MACROD2: variants seen among roughly 807,000 people sequenced by gnomAD.
MACROD2 encodes the protein mono-ADP ribosylhydrolase 2.
A neutral mutation model predicts 70.4 loss-of-function variants in MACROD2; 36 were observed. That is an observed-to-expected ratio of 0.51 (90% CI 0.39 to 0.68). The LOEUF is 0.68. MACROD2 is among the 30% of genes least tolerant of loss of function. The probability of loss-of-function intolerance (pLI) is 0.00; values close to 1 mark genes in which losing one functional copy is unlikely to be tolerated. For synonymous variants in MACROD2, 172 were observed against 178.8 expected (o/e 0.96, Z 0.30); for missense variants, 496 against 538.4 (o/e 0.92, Z 0.78).
At chr20:16,034,280 T>G (rs2067193585) in intron 15 of MACROD2, among the ~76,000 whole-genome samples, 1 of 152,024 alleles carries the variant, frequency 6.6e-6, no homozygotes, top group Non-Finnish European at 1.5e-5. Flanking sequence ...TACGGTATAG[T>G]GTACCGTGGA....
intron 8 of MACROD2, among the ~76,000 whole-genome samples, chr20:15,839,956 A>G (rs149065252): frequency 1.6e-3 from 243 of 152,336 alleles, no homozygotes; most frequent in African/African-American, 5.7e-3. Flanking sequence ...AGAATTATCT[A>G]CTGGCTCCTA....
intron 5 of MACROD2, among the ~76,000 whole-genome samples, chr20:14,969,180 A>T (rs2074667368): frequency 6.8e-6 from 1 of 147,890 alleles, no homozygotes; most frequent in African/African-American, 2.6e-5. Flanking sequence ...TATATATATA[A>T]ATCTGTACAG....
chr20:14,064,150 T>G (rs1233228311), intron 2 of MACROD2, among the ~76,000 whole-genome samples: 1 of 152,230 alleles, frequency 6.6e-6, no homozygotes, highest in African/African-American at 2.4e-5. Flanking sequence ...CTCCGTGGGC[T>G]TCTGCTGGTT....
intron 6 of MACROD2, among the ~76,000 whole-genome samples, chr20:15,334,891 C>A (rs535023294): frequency 1.3e-5 from 2 of 151,804 alleles, no homozygotes; most frequent in Non-Finnish European, 2.9e-5. Context: ...CTGACACAAT[C>A]TGATGAAACC....
chr20:15,709,238 G>A (rs1001613318), intron 8 of MACROD2, among the ~76,000 whole-genome samples: 70 of 152,334 alleles, frequency 4.6e-4, no homozygotes, highest in African/African-American at 1.7e-3. Context: ...TGCAGATGGC[G>A]GTGAACGGGA....
chr20:14,626,776 A>T (rs1366326690), intron 4 of MACROD2: 1 of 152,214 alleles, frequency 6.6e-6, no homozygotes, highest in East Asian at 1.9e-4. Flanking sequence ...TTTGGCACCC[A>T]GCTGATCCAC....
chr20:14,724,137 C>T (rs2071501397), intron 5 of MACROD2, among the ~76,000 whole-genome samples: 1 of 151,922 alleles, frequency 6.6e-6, no homozygotes, highest in Non-Finnish European at 1.5e-5. Flanking sequence ...GTTTTTTAAA[C>T]AGATACTCTG....
intron 3 of MACROD2, among the ~76,000 whole-genome samples, chr20:14,433,234 A>T (rs2084016211): frequency 6.6e-6 from 1 of 152,208 alleles, no homozygotes; most frequent in Admixed American, 6.5e-5. Context: ...GTAAAAGCAG[A>T]AACACAGTGA....
At chr20:15,046,978 T>A (rs2075399533) in intron 5 of MACROD2, among the ~76,000 whole-genome samples, 1 of 152,224 alleles carries the variant, frequency 6.6e-6, no homozygotes, top group South Asian at 2.1e-4. Flanking sequence ...TTCCCTAAAG[T>A]AGAACATATT....
At chr20:15,226,640 G>A (rs2076909141) in intron 5 of MACROD2, among the ~76,000 whole-genome samples, 1 of 151,966 alleles carries the variant, frequency 6.6e-6, no homozygotes, top group South Asian at 2.1e-4. Flanking sequence ...GTCATATTTT[G>A]ATATTAAAAA....
At chr20:14,405,716 A>G (rs2083684307) in intron 3 of MACROD2, among the ~76,000 whole-genome samples, 1 of 152,180 alleles carries the variant, frequency 6.6e-6, no homozygotes, top group Non-Finnish European at 1.5e-5. Flanking sequence ...TTACAAATTC[A>G]TATTTGTACC....
chr20:14,852,116 A>G (rs2073205494), intron 5 of MACROD2, among the ~76,000 whole-genome samples: 1 of 152,124 alleles, frequency 6.6e-6, no homozygotes, highest in African/African-American at 2.4e-5. Flanking sequence ...GCCCTCTGGA[A>G]CACTCCATGA....
chr20:14,687,292 A>G (rs1393884655), intron 5 of MACROD2, among the ~76,000 whole-genome samples: 2 of 152,190 alleles, frequency 1.3e-5, no homozygotes, highest in African/African-American at 4.8e-5. Flanking sequence ...AGAACAGTAT[A>G]CTCAGAATCA....
intron 5 of MACROD2, among the ~76,000 whole-genome samples, chr20:14,986,782 G>C (rs2074852804): frequency 1.3e-5 from 2 of 152,138 alleles, no homozygotes; most frequent in African/African-American, 4.8e-5. Context: ...GGATGTTTCA[G>C]GTTCGCCTTC....
At position 15,905,282 on chromosome 20, in the gene MACROD2, A is replaced by G. The variant is rs1004749003; in HGVS notation, c.775+19471A>G. Among the ~76,000 whole-genome samples, 3 of 152,204 alleles carry G rather than the reference A, an allele frequency of 2.0e-5. 1 individual carries two copies. The South Asian group carries it at 6.2e-4, about 31-fold the overall frequency. ...TTAAAACTCCTCTGAAATTGTCTAG[A>G]GGACTCATGAAAGGTGATACTAAGT... On this transcript the variant is annotated intron_variant, in intron 10 of 17. Transcript: ENST00000684519.
intron 2 of MACROD2, among the ~76,000 whole-genome samples, chr20:14,051,604 A>G (rs1409450029): frequency 6.6e-6 from 1 of 152,188 alleles, no homozygotes; most frequent in Non-Finnish European, 1.5e-5. Flanking sequence ...TTTAAATTCT[A>G]GGTATTGGTT....
intron 5 of MACROD2, among the ~76,000 whole-genome samples, chr20:15,045,941 GTCT>G (rs749316689): frequency 4.0e-5 from 6 of 151,768 alleles, no homozygotes; most frequent in Non-Finnish European, 8.8e-5. Flanking sequence ...CGTCTGACCT[GTCT>G]TCTTTGTGAG....
intron 3 of MACROD2, among the ~76,000 whole-genome samples, chr20:14,217,218 C>CA (rs1228069251): frequency 6.6e-6 from 1 of 152,032 alleles, no homozygotes; most frequent in Non-Finnish European, 1.5e-5. Flanking sequence ...AATCATAAAG[C>CA]AATGTTGGAT....
At chr20:14,804,913 CAG>C (rs1442120350) in intron 5 of MACROD2, among the ~76,000 whole-genome samples, 3 of 143,486 alleles carry the variant, frequency 2.1e-5, no homozygotes, top group African/African-American at 5.1e-5. Context: ...GAGAGAGAGA[CAG>C]AGAGAGAGAA....
Sources: allele counts gnomAD v4.1 joint callset (sites outside exome capture counted in the v4.1 genomes callset), GRCh38; gene constraint gnomAD v4.1.1; transcripts MANE v1.5; gene names NCBI Gene and HGNC (gene_info 2026-07-23, HGNC 2026-07-21).